PLAC1: variants seen among roughly 807,000 people sequenced by gnomAD.
The protein encoded by PLAC1 is placenta associated 1, also known as placenta-specific protein 1.
For synonymous variants in PLAC1, 68 were observed against 62.1 expected (o/e 1.09, Z -0.44); for missense variants, 136 against 163.2 (o/e 0.83, Z 0.91).
chrX:134,608,825 G>A (rs767744753), intron 1 of PLAC1, among the ~76,000 whole-genome samples: 1 of 108,679 alleles, frequency 9.2e-6, no homozygotes, highest in Admixed American at 9.9e-5. Context: ...ACAGGCACCC[G>A]CCACCATGTC....
chrX:134,712,460 C>T (rs1414690987), intron 2 of PLAC1, among the ~76,000 whole-genome samples: 2 of 111,493 alleles, frequency 1.8e-5, no homozygotes, highest in African/African-American at 3.3e-5. Flanking sequence ...AGAAGCTCAA[C>T]ATGCAACACA....
At chrX:134,733,324 A>G (rs1189476400) in intron 2 of PLAC1, 3 of 110,003 alleles carry the variant, frequency 2.7e-5, no homozygotes, top group Admixed American at 9.9e-5. Context: ...AAAGTAACCC[A>G]GGGTTGGCCT....
chrX:134,665,945 G>A (rs1302001036), intron 2 of PLAC1, among the ~76,000 whole-genome samples: 1 of 111,256 alleles, frequency 9.0e-6, no homozygotes, highest in Non-Finnish European at 1.9e-5. Context: ...CATGACCTTG[G>A]CTCAAAAGCT....
At chrX:134,696,738 T>C (rs1412113008) in intron 2 of PLAC1, among the ~76,000 whole-genome samples, 2 of 111,259 alleles carry the variant, frequency 1.8e-5, no homozygotes, top group African/African-American at 6.5e-5. Flanking sequence ...GCTTTGAAAA[T>C]GTCTGTTTGG....
chrX:134,664,240 T>C (rs1484783669), intron 2 of PLAC1, among the ~76,000 whole-genome samples: 1 of 112,115 alleles, frequency 8.9e-6, no homozygotes, highest in East Asian at 2.8e-4. Context: ...CCAATTTGCA[T>C]TTCTAATCAG....
chrX:134,566,347 T>G lies in PLAC1; in HGVS notation c.336A>C (p.Pro112=). Residue 112 remains proline, a synonymous_variant, in exon 3 of 3, where the codon CCA becomes CCC. Transcript: ENST00000359237. ...ACTTTTGGGGGGCAGCACATGACAC[T>G]GGGATCACAAACTTAGATGGCGTGC... ...SKGTPSKFVI[P]VSCAAPQKSP... is the part of the protein sequence containing the mutation. 8.3e-7 allele frequency: 1 copy of G among 1,211,716 alleles called. No individual in the cohort carries two copies. The highest frequency in any genetic ancestry group is 1.8e-5 in the South Asian group (1 of 57,016).
chrX:134,566,200 G>A lies in PLAC1; in HGVS notation c.483C>T (p.Cys161=), dbSNP rs767862747. 24 of 1,209,915 alleles carry A rather than the reference G, an allele frequency of 2.0e-5. No individual in the cohort carries two copies. In the East Asian group the frequency reaches 3.0e-4, roughly 15 times the overall value. ...SLSQSSQRPN[C]DCPPCVFSEE... ...CACTGAAGACACAAGGTGGACAATC[G>A]CAGTTGGGCCTTTGACTGGACTGTG... is the stretch of plus-strand genomic sequence containing the variant. The change falls in exon 3 of 3, where the codon TGC becomes TGT. Residue 161 remains cysteine (C), a synonymous_variant. Transcript: ENST00000359237.
At chrX:134,641,635 C>T (rs934412899) in intron 1 of PLAC1, among the ~76,000 whole-genome samples, 3 of 111,943 alleles carry the variant, frequency 2.7e-5, no homozygotes, top group African/African-American at 9.8e-5. Context: ...CTTCTATCAG[C>T]CTGTAGCTTA....
At position 134,609,052 on chromosome X, in the gene PLAC1, A is replaced by G. The variant is rs1009811697; in HGVS notation, c.-130-6930T>C. ...CAGTGGTGCAATCATGGCTCACTGT[A>G]GCCTTGACCTCCTGGGCTCAAATGA... On this transcript the variant is annotated intron_variant, in intron 1 of 2. Transcript: ENST00000359237. Among the ~76,000 whole-genome samples, 35 of 110,568 alleles carry G rather than the reference A, an allele frequency of 3.2e-4. No individual in the cohort carries two copies. In the Admixed American group the frequency reaches 3.3e-3, roughly 10 times the overall value.
At chrX:134,614,586 G>A (rs751623989) in intron 1 of PLAC1, among the ~76,000 whole-genome samples, 2 of 105,498 alleles carry the variant, frequency 1.9e-5, no homozygotes, top group East Asian at 2.8e-4. Flanking sequence ...ATAGTATTCT[G>A]TATATATGAT....
intron 1 of PLAC1, among the ~76,000 whole-genome samples, chrX:134,615,216 T>G (rs2078173829): frequency 8.9e-6 from 1 of 112,258 alleles, no homozygotes; most frequent in Admixed American, 9.4e-5. Flanking sequence ...GGGTCCCTTT[T>G]TCTCCACATC....
intron 1 of PLAC1, among the ~76,000 whole-genome samples, chrX:134,752,516 C>CA (rs1556201083): frequency 1.8e-5 from 2 of 111,520 alleles, no homozygotes; most frequent in South Asian, 7.7e-4. Context: ...AAAGTCAAAA[C>CA]TTTTTTTTCT....
At chrX:134,729,264 A>C (rs2078681958) in intron 2 of PLAC1, among the ~76,000 whole-genome samples, 1 of 112,037 alleles carries the variant, frequency 8.9e-6, no homozygotes, top group Non-Finnish European at 1.9e-5. Flanking sequence ...ATAAGACTAG[A>C]TACCATTCAT....
At chrX:134,751,137 G>A (rs2147851610) in intron 1 of PLAC1, among the ~76,000 whole-genome samples, 1 of 97,779 alleles carries the variant, frequency 1.0e-5, no homozygotes, top group African/African-American at 3.9e-5. Flanking sequence ...AAAAAAAAAG[G>A]AAAAGAAAAA....
intron 2 of PLAC1, among the ~76,000 whole-genome samples, chrX:134,664,572 G>A (rs1020263419): frequency 1.8e-4 from 20 of 112,202 alleles, no homozygotes. Flanking sequence ...GTCAACTCCT[G>A]CAAAAGCAGA....
chrX:134,663,152 G>C, upstream of PLAC1, among the ~76,000 whole-genome samples: 1 of 112,290 alleles, frequency 8.9e-6, no homozygotes, highest in East Asian at 2.8e-4. Flanking sequence ...TAGTAAAGAA[G>C]TCATTTATGT....
chrX:134,631,624 G>C (rs2078262418), intron 1 of PLAC1, among the ~76,000 whole-genome samples: 1 of 111,625 alleles, frequency 9.0e-6, no homozygotes, highest in Non-Finnish European at 1.9e-5. Context: ...ATTGAGCAAC[G>C]AGCTCCAATC....
intron 2 of PLAC1, among the ~76,000 whole-genome samples, chrX:134,696,282 A>G (rs1353965906): frequency 9.0e-6 from 1 of 111,243 alleles, no homozygotes; most frequent in Non-Finnish European, 1.9e-5. Context: ...TGCTAGCAGG[A>G]GACTAACCTC....
chrX:134,717,163 G>A (rs2078645641), intron 2 of PLAC1, among the ~76,000 whole-genome samples: 1 of 111,863 alleles, frequency 8.9e-6, no homozygotes, highest in Non-Finnish European at 1.9e-5. Flanking sequence ...CATTTGCTGG[G>A]TACATGTGCG....
Sources: gnomAD v4.1 joint callset for allele counts (sites outside exome capture counted in the v4.1 genomes callset) on GRCh38, gnomAD v4.1.1 for gene constraint, MANE v1.5 for transcripts, NCBI Gene and HGNC (gene_info 2026-07-23, HGNC 2026-07-21) for gene names.